The following KALRN variants were observed in gnomAD, a reference collection of about 807,000 sequenced individuals.
KALRN encodes kalirin.
Under a neutral mutation model 353.7 loss-of-function variants are expected in KALRN, and 70 were observed. The observed-to-expected ratio is 0.20, with a 90% CI of 0.16 to 0.24. The LOEUF (loss-of-function observed/expected upper bound fraction) is 0.24. Among genes scored for constraint, KALRN ranks in the 10% least tolerant of loss-of-function variants. The pLI is 1.00. For synonymous variants in KALRN, 1,391 were observed against 1,434.8 expected (o/e 0.97, Z 0.69); for missense variants, 2,791 against 3,756.7 (o/e 0.74, Z 6.72).
rs2063388441 is a variant in KALRN, at chr3:124,723,949, A to G, written c.*4479A>G. ...ATTTTTCACAGCCTCACAGGAATCT[A>G]AGAGACAAATTAAATGCACAGGCAA... is the stretch of plus-strand genomic sequence containing the variant. On this transcript the variant is annotated 3_prime_UTR_variant, in exon 60 of 60. Transcript: ENST00000682506. 6.6e-6 allele frequency: 1 copy of G among 152,172 alleles called. No homozygotes were observed. The highest frequency in any genetic ancestry group is 2.1e-4 in the South Asian group (1 of 4,828). The allele number at this position is 152,172 out of a possible 1,614,324, so 9.4% of individuals were successfully genotyped here. A position where few individuals can be genotyped will look rare whatever the true frequency, so the allele number is the denominator to read the frequency against.
At chr3:124,147,986 T>C (rs990081979) in intron 1 of KALRN, among the ~76,000 whole-genome samples, 2 of 152,134 alleles carry the variant, frequency 1.3e-5, no homozygotes, top group Non-Finnish European at 2.9e-5. Flanking sequence ...GGGCCTTTAG[T>C]GAGGAAGAAG....
rs2061934298 is a variant in KALRN, at chr3:124,693,796, T to C, written c.7378-8T>C. The C allele has an allele frequency of 2.6e-6, 4 of 1,552,830 alleles. No individual in the cohort carries two copies. In the East Asian group the frequency reaches 9.0e-5, roughly 35 times the overall value. On this transcript the variant is annotated splice_polypyrimidine_tract_variant and splice_region_variant and intron_variant, in intron 51 of 59. Transcript: ENST00000682506. ...TCAAGCAATTTTCTGTGTCTTTTTG[T>C]TTTTCAGATCTTAAATCCAAATTTC... is the stretch of plus-strand genomic sequence containing the variant.
At chr3:124,255,159 G>T (rs2071764118) in intron 3 of KALRN, among the ~76,000 whole-genome samples, 1 of 152,060 alleles carries the variant, frequency 6.6e-6, no homozygotes, top group Non-Finnish European at 1.5e-5. Flanking sequence ...GGCCAGGCTG[G>T]TCTTGAACTC....
At position 124,671,859 on chromosome 3, in the gene KALRN, T is replaced by C. The variant is rs1430441103; in HGVS notation, c.6903T>C (p.Phe2301=). 1 of 1,613,966 alleles carries C rather than the reference T, an allele frequency of 6.2e-7. No homozygotes were observed. The highest frequency in any genetic ancestry group is 8.5e-7 in the Non-Finnish European group (1 of 1,180,022). Residue 2301 remains phenylalanine, a synonymous_variant, in exon 48 of 60, where the codon TTT becomes TTC. Transcript: ENST00000682506. The part of the protein sequence containing the change: ...KISTSNGSPG[F]EYHQPGDKFE... ...CTACCTCCAATGGCAGTCCAGGGTT[T>C]GAATACCACCAGCCTGGGGACAAGT...
At chr3:124,075,917 G>T (rs546739089) in intron 1 of KALRN, among the ~76,000 whole-genome samples, 1 of 152,316 alleles carries the variant, frequency 6.6e-6, no homozygotes, top group South Asian at 2.1e-4. Flanking sequence ...TCTGAGGCTT[G>T]TGCTCTGAGT....
intron 1 of KALRN, among the ~76,000 whole-genome samples, chr3:124,193,050 A>G (rs142087887): frequency 1.1e-3 from 165 of 152,312 alleles, no homozygotes; most frequent in African/African-American, 3.9e-3. Context: ...CCTAGAATCT[A>G]TCTGATATTT....
At chr3:124,169,315 C>G (rs546964681) in intron 1 of KALRN, among the ~76,000 whole-genome samples, 2 of 152,120 alleles carry the variant, frequency 1.3e-5, no homozygotes, top group East Asian at 3.9e-4. Flanking sequence ...TGTTGGCTCT[C>G]TGTGGTTTGA....
intron 11 of KALRN, among the ~76,000 whole-genome samples, chr3:124,387,920 C>T (rs2088650984): frequency 6.6e-6 from 1 of 152,144 alleles, no homozygotes; most frequent in African/African-American, 2.4e-5. Flanking sequence ...TGGTCACCTT[C>T]CCATCCAAAC....
chr3:124,284,240 G>T (rs1187527233), intron 5 of KALRN, among the ~76,000 whole-genome samples: 1 of 152,126 alleles, frequency 6.6e-6, no homozygotes, highest in Non-Finnish European at 1.5e-5. Flanking sequence ...GTAGTTAAAA[G>T]CAAATCTGAG....
intron 1 of KALRN, chr3:124,163,659 G>T: frequency 5.1e-6 from 5 of 984,630 alleles, no homozygotes; most frequent in Non-Finnish European, 6.0e-6. Context: ...TATAAAGGTA[G>T]AAGAATAAAT....
chr3:124,294,422 T>G (rs564459929), intron 5 of KALRN, among the ~76,000 whole-genome samples: 2 of 152,108 alleles, frequency 1.3e-5, no homozygotes, highest in African/African-American at 4.8e-5. Flanking sequence ...CCTTGTGGGA[T>G]TGTTTTATGG....
intron 15 of KALRN, among the ~76,000 whole-genome samples, chr3:124,424,042 T>C (rs933251027): frequency 6.6e-6 from 1 of 152,122 alleles, no homozygotes; most frequent in Non-Finnish European, 1.5e-5. Flanking sequence ...CTCACAACCA[T>C]TCTCTGAAGT....
At chr3:124,496,480 A>AC in intron 33 of KALRN, 67 bp downstream of exon 33, 1 of 1,157,294 alleles carries the variant, frequency 8.6e-7, no homozygotes, top group Non-Finnish European at 1.3e-6. Context: ...CTGGAGAGGT[A>AC]CCCCTAGAGA....
At chr3:124,194,203 T>C (rs1298219847) in intron 1 of KALRN, among the ~76,000 whole-genome samples, 2 of 152,048 alleles carry the variant, frequency 1.3e-5, no homozygotes, top group African/African-American at 4.8e-5. Flanking sequence ...CTCCAGACAA[T>C]GAGTATAATA....
At chr3:124,456,206 T>C (rs887870388) in intron 22 of KALRN, among the ~76,000 whole-genome samples, 2 of 152,250 alleles carry the variant, frequency 1.3e-5, no homozygotes, top group African/African-American at 4.8e-5. Flanking sequence ...TTATTTTCTT[T>C]TGACAAATGA....
intron 5 of KALRN, among the ~76,000 whole-genome samples, chr3:124,286,082 C>CCTTTCTTTCTTT (rs55864207): frequency 0.085 from 8,684 of 102,104 alleles, 512 homozygotes; most frequent in African/African-American, 0.11. Flanking sequence ...TTCTTTCCTT[C>CCTTTCTTTCTTT]CTTTCTTTCT....
chr3:124,352,152 T>C (rs977358310), intron 10 of KALRN, among the ~76,000 whole-genome samples: 1 of 151,970 alleles, frequency 6.6e-6, no homozygotes, highest in East Asian at 1.9e-4. Context: ...GGCCACCGAG[T>C]AGTTTTTAAG....
At chr3:124,510,831 A>G (rs1174001733) in intron 33 of KALRN, among the ~76,000 whole-genome samples, 1 of 152,154 alleles carries the variant, frequency 6.6e-6, no homozygotes, top group Non-Finnish European at 1.5e-5. Flanking sequence ...CCATTCTTCA[A>G]CAATAGTTTT....
intron 34 of KALRN, among the ~76,000 whole-genome samples, chr3:124,585,809 T>G (rs541428154): frequency 6.6e-6 from 1 of 152,316 alleles, no homozygotes; most frequent in South Asian, 2.1e-4. Context: ...AAGTTTCACC[T>G]TTTGGGCCTC....
Sources: gnomAD v4.1 joint callset for allele counts (sites outside exome capture counted in the v4.1 genomes callset) on GRCh38, gnomAD v4.1.1 for gene constraint, MANE v1.5 for transcripts, NCBI Gene and HGNC (gene_info 2026-07-23, HGNC 2026-07-21) for gene names.